Variants in ASPRV1 observed in about 807,000 individuals in gnomAD.
The protein encoded by ASPRV1 is retroviral-like aspartic protease 1.
In ASPRV1, 7 loss-of-function variants were observed where a neutral mutation model predicts 11.0. The ratio of observed to expected loss-of-function variants is 0.64; its 90% confidence interval spans 0.36 to 1.20. The LOEUF (loss-of-function observed/expected upper bound fraction) is 1.20. Ranked by LOEUF, ASPRV1 falls within the 50% of genes most tolerant of loss-of-function variation. ASPRV1 has a pLI of 0.02. For synonymous variants in ASPRV1, 136 were observed against 138.4 expected (o/e 0.98, Z 0.12); for missense variants, 299 against 320.0 (o/e 0.93, Z 0.50).
chr2:70,073,327 T>C, the ASPRV1 span: 14 of 152,066 alleles, frequency 9.2e-5, no homozygotes, highest in Non-Finnish European at 1.5e-5. Flanking sequence ...CACTAATAAA[T>C]AACTAAGAAG....
At chr2:70,000,029 C>T in the ASPRV1 span, among the ~76,000 whole-genome samples, 1 of 152,230 alleles carries the variant, frequency 6.6e-6, no homozygotes, top group South Asian at 2.1e-4. Context: ...GCAGGAGCCG[C>T]CTCCCTGCTG....
At chr2:70,066,531 C>G in the ASPRV1 span, among the ~76,000 whole-genome samples, 2 of 152,146 alleles carry the variant, frequency 1.3e-5, no homozygotes, top group South Asian at 2.1e-4. Context: ...GCATGAGCCA[C>G]TGCGCCTGGC....
the ASPRV1 span, among the ~76,000 whole-genome samples, chr2:70,079,738 ATACATTTTCTAAACCTG>A: frequency 6.6e-6 from 1 of 152,228 alleles, no homozygotes; most frequent in Non-Finnish European, 1.5e-5. Context: ...CTGACTCTAC[ATACATTTTCTAAACCTG>A]TTCTTTCCTA....
the ASPRV1 span, chr2:70,011,644 C>T: frequency 6.6e-6 from 1 of 151,956 alleles, no homozygotes; most frequent in African/African-American, 2.4e-5. Flanking sequence ...GACATGCTGA[C>T]TTTGACTTGC....
At chr2:70,011,778 G>A in the ASPRV1 span, 1 of 152,558 alleles carries the variant, frequency 6.6e-6, no homozygotes, top group Admixed American at 6.5e-5. Context: ...AAAGACCAGG[G>A]AGGAAATAAG....
chr2:70,079,264 C>A, the ASPRV1 span, among the ~76,000 whole-genome samples: 1 of 151,892 alleles, frequency 6.6e-6, no homozygotes, highest in African/African-American at 2.4e-5. Context: ...CATTTAAAGT[C>A]TTGATCGAAT....
chr2:69,960,598 C>A lies in ASPRV1; in HGVS notation c.*59G>T. Reference sequence around the variant, plus strand: ...GTGACCCCCATGAGGATATGCAACCCCCCCCACAGCGGTGGGTCTTCCCAC... The same window carrying A: ...GTGACCCCCATGAGGATATGCAACCACCCCCACAGCGGTGGGTCTTCCCAC... On this transcript the variant is annotated 3_prime_UTR_variant, in exon 1 of 1. Transcript: ENST00000320256. 2 of 1,518,534 alleles carry A rather than the reference C, an allele frequency of 1.3e-6. No individual in the cohort carries two copies. Among genetic ancestry groups the A allele is most frequent in the East Asian group, 2.3e-5 (1 of 44,290 alleles). The allele number at this position is 1,518,534 out of a possible 1,614,324, so 94.1% of individuals were successfully genotyped here. A position where few individuals can be genotyped will look rare whatever the true frequency, so the allele number is the denominator to read the frequency against.
At chr2:69,995,394 A>AG in the ASPRV1 span, 7 of 152,240 alleles carry the variant, frequency 4.6e-5, no homozygotes, top group South Asian at 4.2e-4. Context: ...GCCTCAAAAA[A>AG]AAAAAAAAAA....
chr2:70,068,964 A>G, the ASPRV1 span, among the ~76,000 whole-genome samples: 1 of 151,406 alleles, frequency 6.6e-6, no homozygotes, highest in Non-Finnish European at 1.5e-5. Flanking sequence ...AAAAAAAAAA[A>G]AAAAAGCCTT....
upstream of ASPRV1, chr2:69,964,362 T>C (rs1468770495): frequency 6.6e-6 from 3 of 455,600 alleles, no homozygotes; most frequent in Non-Finnish European, 8.8e-6. Flanking sequence ...AGGGGCCTCA[T>C]GGTTACCGTG....
At chr2:69,975,985 A>C in the ASPRV1 span, 1 of 152,870 alleles carries the variant, frequency 6.5e-6, no homozygotes, top group African/African-American at 2.4e-5. Flanking sequence ...AAGAACCAGC[A>C]CGCTTACTGC....
chr2:70,020,858 G>T, the ASPRV1 span, among the ~76,000 whole-genome samples: 4 of 152,016 alleles, frequency 2.6e-5, no homozygotes, highest in Non-Finnish European at 5.9e-5. Context: ...GCTGAGGGAG[G>T]GGAGAATAGG....
the ASPRV1 span, among the ~76,000 whole-genome samples, chr2:70,003,706 G>A: frequency 2.0e-3 from 309 of 152,330 alleles, 4 homozygotes; most frequent in South Asian, 2.5e-3. Flanking sequence ...GGCCTAAAAC[G>A]AGGGTTGTGC....
At chr2:70,034,554 G>C in the ASPRV1 span, among the ~76,000 whole-genome samples, 1 of 150,104 alleles carries the variant, frequency 6.7e-6, no homozygotes, top group East Asian at 1.9e-4. Flanking sequence ...CTGGGCGACA[G>C]AGCGAGACTT....
At chr2:70,032,611 T>C in the ASPRV1 span, among the ~76,000 whole-genome samples, 3 of 152,150 alleles carry the variant, frequency 2.0e-5, no homozygotes, top group Non-Finnish European at 2.9e-5. Flanking sequence ...TAAGCCATGA[T>C]TGCACTACTG....
At chr2:70,055,704 T>C in the ASPRV1 span, 3 of 152,140 alleles carry the variant, frequency 2.0e-5, no homozygotes, top group South Asian at 2.1e-4. Context: ...CGTACAGCTA[T>C]GTAACAAACC....
chr2:70,008,293 A>G, the ASPRV1 span, among the ~76,000 whole-genome samples: 1 of 152,330 alleles, frequency 6.6e-6, no homozygotes, highest in Non-Finnish European at 1.5e-5. Flanking sequence ...ACGAATCTCC[A>G]TTCACAAATC....
At chr2:70,085,175 C>A in the ASPRV1 span, among the ~76,000 whole-genome samples, 1 of 152,148 alleles carries the variant, frequency 6.6e-6, no homozygotes, top group Non-Finnish European at 1.5e-5. Flanking sequence ...AGGCAAGAGT[C>A]AAGCCCATGG....
the ASPRV1 span, among the ~76,000 whole-genome samples, chr2:70,079,460 G>A: frequency 1.3e-5 from 2 of 152,148 alleles, no homozygotes; most frequent in East Asian, 1.9e-4. Flanking sequence ...ACAACAGAGT[G>A]AGAATCTGTC....
Sources: allele counts gnomAD v4.1 joint callset (sites outside exome capture counted in the v4.1 genomes callset), GRCh38; gene constraint gnomAD v4.1.1; transcripts MANE v1.5; gene names NCBI Gene and HGNC (gene_info 2026-07-23, HGNC 2026-07-21).